FIG4: variants seen among roughly 807,000 people sequenced by gnomAD.
FIG4 encodes polyphosphoinositide phosphatase.
Under a neutral mutation model 118.6 loss-of-function variants are expected in FIG4, and 112 were observed. That is an observed-to-expected ratio of 0.94 (90% CI 0.81 to 1.11). The LOEUF (loss-of-function observed/expected upper bound fraction) is 1.11. Among genes scored for constraint, FIG4 ranks in the 50% least tolerant of loss-of-function variants. FIG4 has a pLI of 0.00. For missense variants in FIG4, 969 were observed against 1,111.7 expected (o/e 0.87, Z 1.83); for synonymous variants, 369 against 381.2 (o/e 0.97, Z 0.37).
At chr6:109,735,963 A>C (rs1262142499) in intron 6 of FIG4, among the ~76,000 whole-genome samples, 3 of 151,882 alleles carry the variant, frequency 2.0e-5, no homozygotes, top group Non-Finnish European at 4.4e-5. Flanking sequence ...TGCCTCATCT[A>C]GGGTGCCCCT....
intron 1 of FIG4, among the ~76,000 whole-genome samples, chr6:109,693,638 A>G (rs758763509): frequency 7.9e-5 from 12 of 152,198 alleles, no homozygotes; most frequent in Non-Finnish European, 1.8e-4. Flanking sequence ...CTCTCAGAGT[A>G]CTGCCAAAAA....
intron 3 of FIG4, among the ~76,000 whole-genome samples, chr6:109,723,055 C>T (rs1010385724): frequency 6.6e-6 from 1 of 152,202 alleles, no homozygotes; most frequent in African/African-American, 2.4e-5. Flanking sequence ...ATGCCACAGA[C>T]TTGCTGTTCT....
chr6:109,725,433 T>C (rs1775773086), intron 3 of FIG4, among the ~76,000 whole-genome samples: 4 of 152,210 alleles, frequency 2.6e-5, no homozygotes, highest in Admixed American at 2.6e-4. Flanking sequence ...GGACATGAAC[T>C]CATCCTTTTT....
chr6:109,822,797 A>ATGTGTGTGTG (rs1779046058), intron 22 of FIG4, among the ~76,000 whole-genome samples: 1 of 49,538 alleles, frequency 2.0e-5, no homozygotes, highest in Non-Finnish European at 4.3e-5. Context: ...GTATATATAT[A>ATGTGTGTGTG]TATATATATA....
At chr6:109,754,598 A>T (rs1014866719) in intron 10 of FIG4, among the ~76,000 whole-genome samples, 1 of 152,164 alleles carries the variant, frequency 6.6e-6, no homozygotes, top group Admixed American at 6.5e-5. Flanking sequence ...TAAGCTATTG[A>T]TTATTGCCAC....
intron 5 of FIG4, among the ~76,000 whole-genome samples, chr6:109,734,436 T>C (rs1776101520): frequency 6.7e-6 from 1 of 150,094 alleles, no homozygotes; most frequent in Admixed American, 6.7e-5. Flanking sequence ...TGCATATTTA[T>C]ATAGAGTATG....
chr6:109,734,460 T>A, intron 5 of FIG4, among the ~76,000 whole-genome samples: 1 of 149,982 alleles, frequency 6.7e-6, no homozygotes, highest in Middle Eastern at 3.5e-3. Flanking sequence ...ATATAAATAC[T>A]GTATATAAAT....
intron 22 of FIG4, among the ~76,000 whole-genome samples, chr6:109,821,120 G>A (rs532159615): frequency 1.3e-5 from 2 of 152,334 alleles, no homozygotes; most frequent in East Asian, 3.9e-4. Flanking sequence ...AACGGCCAAA[G>A]CTCCCTACCT....
At chr6:109,764,198 G>A (rs2128391982) in intron 13 of FIG4, among the ~76,000 whole-genome samples, 1 of 152,134 alleles carries the variant, frequency 6.6e-6, no homozygotes, top group Non-Finnish European at 1.5e-5. Flanking sequence ...CAACACTTTG[G>A]GAGGCCGGAG....
chr6:109,745,231 T>C (rs1365913758), intron 10 of FIG4, among the ~76,000 whole-genome samples: 1 of 152,210 alleles, frequency 6.6e-6, no homozygotes, highest in East Asian at 1.9e-4. Context: ...TCTTCCACAA[T>C]GGTTGAACTA....
chr6:109,776,185 T>G (rs769337069), intron 15 of FIG4, among the ~76,000 whole-genome samples: 34 of 152,196 alleles, frequency 2.2e-4, no homozygotes, highest in Non-Finnish European at 4.6e-4. Context: ...ATTATCATTG[T>G]TACCAAAAGA....
chr6:109,771,169 C>T (rs1042329371), intron 15 of FIG4, among the ~76,000 whole-genome samples: 24 of 152,290 alleles, frequency 1.6e-4, no homozygotes, highest in African/African-American at 5.8e-4. Flanking sequence ...TGTTTTAATA[C>T]CCTTGGTAAC....
chr6:109,805,859 G>A (rs1001627064), intron 22 of FIG4, among the ~76,000 whole-genome samples: 2 of 151,940 alleles, frequency 1.3e-5, no homozygotes, highest in Non-Finnish European at 2.9e-5. Context: ...CATTTATTAT[G>A]TGACTTGAAA....
chr6:109,742,292 C>G (rs1176593506), intron 8 of FIG4, among the ~76,000 whole-genome samples: 1 of 152,060 alleles, frequency 6.6e-6, no homozygotes, highest in African/African-American at 2.4e-5. Flanking sequence ...GCTTTGCCCT[C>G]TTTGTCTTTT....
intron 1 of FIG4, 31 bp from the exon 2 acceptor site, chr6:109,715,047 A>G: frequency 7.8e-7 from 1 of 1,286,130 alleles, no homozygotes; most frequent in Non-Finnish European, 1.1e-6. Flanking sequence ...AAATGCTTTG[A>G]TAAACTAATG....
In FIG4 at chr6:109,766,728, G is replaced by C. The variant is rs1432399232; in HGVS notation, c.1584-1G>C. On this transcript the variant is annotated splice_acceptor_variant, in intron 14 of 22. Coordinates refer to ENST00000230124, the MANE Select transcript of FIG4 (RefSeq NM_014845.6). LOFTEE classifies it high-confidence loss of function. ...CTTTAATCGGGTTTTTCTTTTTTTA[G>C]GTTATTTGAGGAACTCTATGAAGAT... The C allele has an allele frequency of 6.2e-7, 1 of 1,613,038 alleles. No homozygotes were observed. Among genetic ancestry groups the C allele is most frequent in the Non-Finnish European group, 8.5e-7 (1 of 1,179,380 alleles).
rs551133878 is a variant in FIG4 at position 109,758,366 on chromosome 6, C to T, written c.1138-1884C>T. On this transcript the variant is annotated intron_variant, in intron 10 of 22. Coordinates refer to ENST00000230124, the MANE Select transcript of FIG4 (RefSeq NM_014845.6). ...AAAGCAAGTAATGGGGAGAGGATTC[C>T]TTATTTAATAAATGGTGCTGGGAAA... Among the ~76,000 whole-genome samples, 4 of 152,302 alleles carry T rather than the reference C, an allele frequency of 2.6e-5. No homozygotes were observed. In the East Asian group the frequency reaches 7.7e-4, roughly 29 times the overall value.
intron 2 of FIG4, 152 bp downstream of exon 2, chr6:109,715,328 C>A: frequency 1.7e-6 from 1 of 604,062 alleles, no homozygotes; most frequent in Non-Finnish European, 2.9e-6. Flanking sequence ...TTTGAATCTC[C>A]AATCTGATTT....
chr6:109,819,505 G>A (rs1350822818), intron 22 of FIG4, among the ~76,000 whole-genome samples: 2 of 152,186 alleles, frequency 1.3e-5, no homozygotes, highest in Non-Finnish European at 2.9e-5. Flanking sequence ...GTCTTACTCT[G>A]TTGTCCAGAC....
Sources: allele counts gnomAD v4.1 joint callset (sites outside exome capture counted in the v4.1 genomes callset), GRCh38; gene constraint gnomAD v4.1.1; transcripts MANE v1.5; gene names NCBI Gene and HGNC (gene_info 2026-07-23, HGNC 2026-07-21).